SUSD1: variants seen among roughly 807,000 people sequenced by gnomAD.
The protein encoded by SUSD1 is sushi domain containing 1, also known as sushi domain-containing protein 1.
A neutral mutation model predicts 86.9 loss-of-function variants in SUSD1; 65 were observed. The ratio of observed to expected loss-of-function variants is 0.75; its 90% CI spans 0.61 to 0.92. SUSD1 has a LOEUF of 0.92. Ranked by LOEUF, SUSD1 falls within the 40% of genes least tolerant of loss-of-function variation. SUSD1 has a pLI of 0.00. For missense variants in SUSD1, 850 were observed against 929.7 expected, an observed-to-expected ratio of 0.91 and a Z score of 1.11; for synonymous variants, 346 against 350.0, an observed-to-expected ratio of 0.99 and a Z score of 0.13.
At chr9:112,069,071 A>G (rs1829128309) in intron 12 of SUSD1, among the ~76,000 whole-genome samples, 1 of 152,162 alleles carries the variant, frequency 6.6e-6, no homozygotes, top group East Asian at 1.9e-4. Flanking sequence ...GTGGAGATAC[A>G]GAGGCAGCTC....
At chr9:112,110,785 T>C (rs575250624) in intron 8 of SUSD1, among the ~76,000 whole-genome samples, 2 of 152,094 alleles carry the variant, frequency 1.3e-5, no homozygotes, top group South Asian at 4.2e-4. Flanking sequence ...AAAACCCACA[T>C]GACAATTATG....
intron 5 of SUSD1, among the ~76,000 whole-genome samples, chr9:112,125,034 T>C (rs543890031): frequency 7.9e-5 from 12 of 152,180 alleles, no homozygotes; most frequent in Middle Eastern, 3.4e-3. Flanking sequence ...GATTATGACA[T>C]AACCACTCTA....
chr9:112,076,845 A>T (rs908404550), intron 12 of SUSD1, among the ~76,000 whole-genome samples: 1 of 152,148 alleles, frequency 6.6e-6, no homozygotes, highest in African/African-American at 2.4e-5. Flanking sequence ...AGAGGGAGGG[A>T]GTGTCAACGC....
chr9:112,139,167 A>G (rs1832448332), intron 5 of SUSD1, among the ~76,000 whole-genome samples: 2 of 152,222 alleles, frequency 1.3e-5, no homozygotes, highest in African/African-American at 4.8e-5. Context: ...ATCTTTAAAA[A>G]TTCTATTTGT....
intron 2 of SUSD1, among the ~76,000 whole-genome samples, chr9:112,155,606 T>A (rs927473498): frequency 1.3e-5 from 2 of 152,032 alleles, no homozygotes; most frequent in East Asian, 3.9e-4. Context: ...TTTTTGTTTG[T>A]TTGTTTTTAG....
chr9:112,047,614 G>C (rs1828013530), intron 15 of SUSD1, among the ~76,000 whole-genome samples: 1 of 152,186 alleles, frequency 6.6e-6, no homozygotes, highest in Non-Finnish European at 1.5e-5. Context: ...AACTATTTGG[G>C]TCATGGGGTT....
At chr9:112,169,383 C>T (rs1319868347) in intron 1 of SUSD1, 2 of 149,524 alleles carry the variant, frequency 1.3e-5, no homozygotes, top group African/African-American at 5.0e-5. Flanking sequence ...CACTACTGTA[C>T]TTGACTAGTC....
At chr9:112,174,950 C>A (rs542394695) in intron 1 of SUSD1, among the ~76,000 whole-genome samples, 183 bp downstream of exon 1, 1 of 151,790 alleles carries the variant, frequency 6.6e-6, no homozygotes, top group East Asian at 2.0e-4. Context: ...GGCGGGGAGC[C>A]CCCCGCTTCT....
intron 15 of SUSD1, among the ~76,000 whole-genome samples, chr9:112,050,799 A>G (rs1828156711): frequency 6.6e-6 from 1 of 152,252 alleles, no homozygotes; most frequent in Non-Finnish European, 1.5e-5. Flanking sequence ...TGTTGGTTTT[A>G]AAGAAATGTA....
chr9:112,066,002 G>A lies in SUSD1; in HGVS notation c.1754-2969C>T, dbSNP rs180875551. Among the ~76,000 whole-genome samples, 6 of 152,290 alleles carry A rather than the reference G, an allele frequency of 3.9e-5. No individual in the cohort carries two copies. The East Asian group carries it at 7.7e-4, about 20-fold the overall frequency. ...CAACAAATACTCACAGCAGCTCTGC[G>A]TGACAATCATCTCTATCTTATCAGT... On this transcript the variant is annotated intron_variant, in intron 12 of 16. Transcript: ENST00000374270.
At chr9:112,126,003 G>A (rs1272679099) in intron 5 of SUSD1, among the ~76,000 whole-genome samples, 2 of 152,086 alleles carry the variant, frequency 1.3e-5, no homozygotes, top group Admixed American at 6.5e-5. Context: ...ATATTCACCA[G>A]ACACAAGACC....
At chr9:112,168,895 A>C (rs1461852816) in intron 1 of SUSD1, among the ~76,000 whole-genome samples, 1 of 152,234 alleles carries the variant, frequency 6.6e-6, no homozygotes, top group Non-Finnish European at 1.5e-5. Context: ...AAACAAATCC[A>C]GCACAACCTT....
chr9:112,046,032 A>G (rs11793470), intron 15 of SUSD1, among the ~76,000 whole-genome samples: 6,454 of 152,306 alleles, frequency 0.042, 165 homozygotes, highest in Non-Finnish European at 0.054. Context: ...GTATTGGAAA[A>G]TGATCTTTAT....
chr9:112,173,580 G>C, intron 1 of SUSD1: 1 of 380,608 alleles, frequency 2.6e-6, no homozygotes, highest in Non-Finnish European at 5.1e-6. Context: ...TGGAACTGAA[G>C]CTGGAGCTGC....
At chr9:112,160,840 A>G (rs1399451383) in intron 1 of SUSD1, among the ~76,000 whole-genome samples, 1 of 152,210 alleles carries the variant, frequency 6.6e-6, no homozygotes, top group Non-Finnish European at 1.5e-5. Context: ...GGTTGAAAAT[A>G]CCTGCAAGGA....
chr9:112,088,604 T>C (rs1192072579), intron 10 of SUSD1, among the ~76,000 whole-genome samples: 1 of 151,654 alleles, frequency 6.6e-6, no homozygotes, highest in East Asian at 1.9e-4. Flanking sequence ...CTGGGCAATA[T>C]AGGGAGAACC....
intron 6 of SUSD1, among the ~76,000 whole-genome samples, chr9:112,115,824 G>GAAAAAAAATGA (rs1831298454): frequency 8.3e-6 from 1 of 120,956 alleles, no homozygotes; most frequent in Non-Finnish European, 1.6e-5. Flanking sequence ...AAAAAAAAAA[G>GAAAAAAAATGA]AAAAAAAAAA....
intron 10 of SUSD1, among the ~76,000 whole-genome samples, chr9:112,086,161 TA>T (rs1413257076): frequency 6.6e-6 from 1 of 150,534 alleles, no homozygotes; most frequent in Non-Finnish European, 1.5e-5. Flanking sequence ...CTACAAAAAA[TA>T]AAAAAGTTAG....
At chr9:112,165,923 A>AAGAAAGG (rs1554777758) in intron 1 of SUSD1, among the ~76,000 whole-genome samples, 2 of 99,220 alleles carry the variant, frequency 2.0e-5, no homozygotes, top group African/African-American at 8.3e-5. Flanking sequence ...GGAAGAAAGA[A>AAGAAAGG]AAGAAAGAAA....
Sources: gnomAD v4.1 joint callset for allele counts (sites outside exome capture counted in the v4.1 genomes callset) on GRCh38, gnomAD v4.1.1 for gene constraint, MANE v1.5 for transcripts, NCBI Gene and HGNC (gene_info 2026-07-23, HGNC 2026-07-21) for gene names.